Variants in AGBL5 observed in about 807,000 individuals in gnomAD.
The protein encoded by AGBL5 is cytosolic carboxypeptidase-like protein 5.
AGBL5 carries 51 observed loss-of-function variants against 88.0 expected under a neutral mutation model. The ratio of observed to expected loss-of-function variants is 0.58; its 90% confidence interval spans 0.46 to 0.73. The LOEUF (loss-of-function observed/expected upper bound fraction) is 0.73, where lower values mean the gene tolerates loss of function less well. Among genes scored for constraint, AGBL5 ranks in the 30% least tolerant of loss-of-function variants. The pLI is 0.00. For synonymous variants in AGBL5, 446 were observed against 438.8 expected (o/e 1.02, Z -0.21); for missense variants, 1,031 against 1,162.2 (o/e 0.89, Z 1.64).
At chr2:27,068,183 A>G (rs1387502235) in intron 12 of AGBL5, among the ~76,000 whole-genome samples, 1 of 151,988 alleles carries the variant, frequency 6.6e-6, no homozygotes, top group East Asian at 1.9e-4. Context: ...CAACCTGTCA[A>G]CTCTCCTCAA....
Position 27,053,437 on chromosome 2 carries a change from C to T in AGBL5, c.251C>T (p.Pro84Leu). ...TACTTCAGCGTCCGGGGAGGAATGCCAGGAAAACTCATCAAGATCAACATT... is the reference window on the plus strand; with the variant it reads ...TACTTCAGCGTCCGGGGAGGAATGCTAGGAAAACTCATCAAGATCAACATT... Reference protein sequence around the residue: ...WFYFSVRGGMPGKLIKINIMN... With the variant: ...WFYFSVRGGMLGKLIKINIMN... The change falls in exon 3 of 15, where the codon CCA becomes CTA. Residue 84 changes from proline (P) to leucine (L), a missense_variant. Physicochemically the swap from Pro to Leu is moderately conservative, Grantham distance 98 (BLOSUM62 -3). Coordinates refer to ENST00000360131, the MANE Select transcript of AGBL5 (RefSeq NM_021831.6). The surrounding 1 kb of genome is among the most constrained non-coding windows in gnomAD (Gnocchi z 4.9). 1 of 1,614,094 alleles carries T rather than the reference C, an allele frequency of 6.2e-7. No individual in the cohort carries two copies. Among genetic ancestry groups the T allele is most frequent in the Non-Finnish European group, 8.5e-7 (1 of 1,180,038 alleles).
chr2:27,068,551 A>G, intron 12 of AGBL5, 81 bp from the exon 13 acceptor site: 1 of 1,262,074 alleles, frequency 7.9e-7, no homozygotes, highest in South Asian at 1.3e-5. Flanking sequence ...CAACGTGCCA[A>G]GGTTAAGAAA....
upstream of AGBL5, among the ~76,000 whole-genome samples, chr2:27,050,853 C>A (rs1249872924): frequency 6.6e-6 from 1 of 152,178 alleles, no homozygotes; most frequent in Non-Finnish European, 1.5e-5. Context: ...GTCGCTGGTT[C>A]GATTCCGGCT....
chr2:27,055,751 C>T lies in AGBL5; in HGVS notation c.978C>T (p.Ile326=), dbSNP rs753109711. ...LKPDAVLHPA[I]YGAKAVLLYH... is the part of the protein sequence containing the mutation. ...CTGATGCCGTCCTGCACCCGGCCAT[C>T]TATGGGGCCAAAGCTGTGCTTCTCT... The change falls in exon 7 of 15, where the codon ATC becomes ATT. Residue 326 remains isoleucine (I), a synonymous_variant. Coordinates refer to ENST00000360131, the MANE Select transcript of AGBL5 (RefSeq NM_021831.6). The T allele has an allele frequency of 1.4e-5, 23 of 1,614,222 alleles. No homozygotes were observed. Among genetic ancestry groups the T allele is most frequent in the Non-Finnish European group, 1.9e-5 (22 of 1,180,044 alleles).
intron 9 of AGBL5, 99 bp from the exon 10 acceptor site, chr2:27,058,301 C>A: frequency 1.5e-6 from 2 of 1,371,420 alleles, no homozygotes; most frequent in Non-Finnish European, 2.1e-6. Context: ...AATTATAGGT[C>A]TGGCCCCTCC....
chr2:27,053,920 T>C lies in AGBL5; in HGVS notation c.412T>C (p.Ser138Pro). 6.2e-7 allele frequency: 1 copy of C among 1,614,084 alleles called. No homozygotes were observed. Among genetic ancestry groups the C allele is most frequent in the Non-Finnish European group, 8.5e-7 (1 of 1,179,960 alleles). The change falls in exon 4 of 15, where the codon TCC becomes CCC. Residue 138 changes from serine (S) to proline (P), a missense_variant. Physicochemically the swap from Ser to Pro is moderately conservative, Grantham distance 74. Transcript: ENST00000360131. This position sits in a 1 kb window ranked among gnomAD's most constrained non-coding sequence, Gnocchi z 4.9. ...FEMTETQFVL[S>P]FVHRFVEGRG... ...GATGACAGAGACGCAGTTTGTGTTA[T>C]CCTTTGTTCATCGTTTCGTGGAGGG...
At chr2:27,068,942 T>C (rs1359511216) in intron 13 of AGBL5, 198 bp downstream of exon 13, 2 of 1,496,080 alleles carry the variant, frequency 1.3e-6, no homozygotes, top group East Asian at 5.2e-5. Flanking sequence ...AGCCAGGTCA[T>C]TTGCTTGCTT....
At chr2:27,060,421 G>C (rs751008356) in intron 11 of AGBL5, among the ~76,000 whole-genome samples, 3 of 152,316 alleles carry the variant, frequency 2.0e-5, no homozygotes, top group East Asian at 3.9e-4. Flanking sequence ...GATTGCGGAG[G>C]GGGAGAGATT....
chr2:27,051,916 A>G (rs1390538390), intron 1 of AGBL5, 123 bp downstream of exon 1: 1 of 132,566 alleles, frequency 7.5e-6, no homozygotes, highest in East Asian at 2.4e-4. Flanking sequence ...CCCGCTCCCG[A>G]CCTGGCTTAC....
At chr2:27,063,323 T>C (rs1668807153) in intron 11 of AGBL5, among the ~76,000 whole-genome samples, 1 of 152,200 alleles carries the variant, frequency 6.6e-6, no homozygotes, top group Non-Finnish European at 1.5e-5. Flanking sequence ...CCGGGCGTGG[T>C]GGCTCACGCC....
chr2:27,050,495 G>A (rs1668024569), upstream of AGBL5, among the ~76,000 whole-genome samples: 1 of 152,364 alleles, frequency 6.6e-6, no homozygotes, highest in South Asian at 2.1e-4. Flanking sequence ...GGAGGCGGCG[G>A]CGGGCTCGGC....
intron 9 of AGBL5, among the ~76,000 whole-genome samples, chr2:27,057,921 C>A (rs912125835): frequency 6.6e-6 from 1 of 152,100 alleles, no homozygotes; most frequent in Non-Finnish European, 1.5e-5. Context: ...ACTAAAAATA[C>A]AAAAATTAAC....
intron 6 of AGBL5, 57 bp from the exon 7 acceptor site, chr2:27,055,625 T>A (rs995419012): frequency 6.7e-7 from 1 of 1,488,840 alleles, no homozygotes; most frequent in Non-Finnish European, 9.2e-7. Context: ...TCTACACTAG[T>A]GTCTCCTTCA....
chr2:27,062,280 C>T (rs1668752133), intron 11 of AGBL5: 1 of 151,996 alleles, frequency 6.6e-6, no homozygotes, highest in South Asian at 2.1e-4. Context: ...TGCACCACCA[C>T]ACCCGCTAAT....
chr2:27,050,715 G>A (rs1251353577), upstream of AGBL5, among the ~76,000 whole-genome samples: 1 of 152,224 alleles, frequency 6.6e-6, no homozygotes, highest in Admixed American at 6.5e-5. Context: ...GAGAAAGCGG[G>A]GGTCATGGCT....
chr2:27,051,268 T>C (rs527619213), upstream of AGBL5, among the ~76,000 whole-genome samples: 5 of 152,298 alleles, frequency 3.3e-5, no homozygotes, highest in African/African-American at 9.6e-5. Flanking sequence ...GGTAGCGGGA[T>C]CGATGCCCGC....
At chr2:27,062,193 G>A (rs1668748984) in intron 11 of AGBL5, among the ~76,000 whole-genome samples, 1 of 147,256 alleles carries the variant, frequency 6.8e-6, no homozygotes, top group South Asian at 2.1e-4. Flanking sequence ...GCATGATCTC[G>A]GCTCACCACA....
Position 27,058,489 on chromosome 2 carries a change from T to C in AGBL5, c.1761T>C (p.Thr587=). ...TACTGTCAGAGCACAGCAGCCTTACTAATCTACGGGCCTGGATGCTGAAAC... is the reference window on the plus strand; with the variant it reads ...TACTGTCAGAGCACAGCAGCCTTACCAATCTACGGGCCTGGATGCTGAAAC... The part of the protein sequence containing the change: ...RIVLSEHSSL[T]NLRAWMLKHV... The change falls in exon 10 of 15, where the codon ACT becomes ACC. Residue 587 remains threonine (T), a synonymous_variant. Transcript: ENST00000360131. 3 of 1,614,176 alleles carry C rather than the reference T, an allele frequency of 1.9e-6. No homozygotes were observed. Among genetic ancestry groups the C allele is most frequent in the Non-Finnish European group, 1.7e-6 (2 of 1,180,030 alleles).
intron 11 of AGBL5, chr2:27,062,924 A>G (rs1668785514): frequency 6.6e-6 from 1 of 152,236 alleles, no homozygotes; most frequent in African/African-American, 2.4e-5. Context: ...CTTGAGAACA[A>G]TGATTATGAG....
Sources: gnomAD v4.1 joint callset for allele counts (sites outside exome capture counted in the v4.1 genomes callset) on GRCh38, gnomAD v4.1.1 for gene constraint, Gnocchi (gnomAD v3.1) non-coding constraint, MANE v1.5 for transcripts, NCBI Gene and HGNC (gene_info 2026-07-23, HGNC 2026-07-21) for gene names.